The following TATDN3 variants were observed in gnomAD, a reference collection of about 807,000 sequenced individuals.
TATDN3 encodes deoxyribonuclease TATDN3.
TATDN3 carries 29 observed loss-of-function variants against 40.1 expected under a neutral mutation model. The observed-to-expected ratio is 0.72, with a 90% CI of 0.54 to 0.99. The LOEUF (loss-of-function observed/expected upper bound fraction) is 0.99, where lower values mean the gene tolerates loss of function less well. TATDN3 is among the 50% of genes least tolerant of loss of function. TATDN3 has a pLI of 0.00. For synonymous variants in TATDN3, 105 were observed against 117.0 expected (o/e 0.90, Z 0.66); for missense variants, 309 against 321.9 (o/e 0.96, Z 0.31).
intron 8 of TATDN3, among the ~76,000 whole-genome samples, chr1:212,810,264 C>G (rs144060840): frequency 1.5e-3 from 223 of 152,116 alleles, no homozygotes; most frequent in African/African-American, 5.1e-3. Flanking sequence ...AATCCCAGCA[C>G]TTTGGGAGGC....
chr1:212,799,897 T>C (rs1662067023), intron 4 of TATDN3, among the ~76,000 whole-genome samples: 1 of 152,224 alleles, frequency 6.6e-6, no homozygotes, highest in South Asian at 2.1e-4. Flanking sequence ...GTGATAATAC[T>C]CTGGAATAGA....
In TATDN3 at chr1:212,798,509, C is replaced by CT. The variant is rs1661949295; in HGVS notation, c.258+1313_258+1314insT. Among the ~76,000 whole-genome samples, 4 of 108,158 alleles carry CT rather than the reference C, an allele frequency of 3.7e-5. No homozygotes were observed. In the South Asian group the frequency reaches 1.3e-3, roughly 34 times the overall value. The allele number at this position is 108,158 out of a possible 152,430, so 71.0% of individuals were successfully genotyped here. A position where few individuals can be genotyped will look rare whatever the true frequency, so the allele number is the denominator to read the frequency against. ...CTCAGGAGTTCAAGACCAGCCTGGG[C>CT]AACATGGACGCTATCTCTCAAAAAC... On this transcript the variant is annotated intron_variant, in intron 4 of 9. Coordinates refer to ENST00000366974, the MANE Select transcript of TATDN3 (RefSeq NM_001042552.3).
intron 8 of TATDN3, among the ~76,000 whole-genome samples, chr1:212,810,057 A>T (rs72743911): frequency 0.11 from 16,161 of 151,824 alleles, 929 homozygotes; most frequent in Middle Eastern, 0.16. Flanking sequence ...AATAAAATTT[A>T]AATTGCATAA....
At position 212,804,577 on chromosome 1, in the gene TATDN3, T is replaced by A; in HGVS notation, c.432-19T>A. ...CTTTCAGAATGGTACTTAAAAGAAA[T>A]GTTGTTATCGTTAAACAGAAATGTG... On this transcript the variant is annotated intron_variant, in intron 6 of 9. Transcript: ENST00000366974. 6.2e-7 allele frequency: 1 copy of A among 1,609,510 alleles called. No homozygotes were observed. Among genetic ancestry groups the A allele is most frequent in the Non-Finnish European group, 8.5e-7 (1 of 1,178,346 alleles).
At chr1:212,814,044 T>G (rs1262391799) in intron 9 of TATDN3, among the ~76,000 whole-genome samples, 1 of 151,970 alleles carries the variant, frequency 6.6e-6, no homozygotes, top group African/African-American at 2.4e-5. Flanking sequence ...GGTCTCAAAC[T>G]CCTAAGCTCA....
At chr1:212,806,793 CACACACATATAT>C (rs1167722055) in intron 7 of TATDN3, among the ~76,000 whole-genome samples, 2 of 106,506 alleles carry the variant, frequency 1.9e-5, no homozygotes, top group African/African-American at 6.8e-5. Flanking sequence ...TACACACACA[CACACACATATAT>C]ACACATATAT....
intron 2 of TATDN3, among the ~76,000 whole-genome samples, chr1:212,795,402 C>CT (rs200810276): frequency 0.021 from 3,241 of 152,050 alleles, 58 homozygotes; most frequent in Non-Finnish European, 0.033. Flanking sequence ...TCCTGAGTAG[C>CT]TGGGACTATA....
chr1:212,811,601 C>T (rs1161602046), intron 8 of TATDN3, among the ~76,000 whole-genome samples: 1 of 151,638 alleles, frequency 6.6e-6, no homozygotes, highest in Non-Finnish European at 1.5e-5. Context: ...TTTTTTGAGG[C>T]GGAGTCTCGC....
At chr1:212,804,027 C>T (rs889113859) in intron 5 of TATDN3, among the ~76,000 whole-genome samples, 2 of 151,944 alleles carry the variant, frequency 1.3e-5, no homozygotes, top group South Asian at 4.1e-4. Flanking sequence ...CAGAGCCACA[C>T]TCCGTCTCAA....
intron 2 of TATDN3, among the ~76,000 whole-genome samples, chr1:212,795,469 C>T (rs1445624981): frequency 6.6e-6 from 1 of 152,048 alleles, no homozygotes; most frequent in Non-Finnish European, 1.5e-5. Context: ...CAGGGTTTCA[C>T]CATGTTGGCC....
chr1:212,803,343 A>G (rs1368606166), intron 5 of TATDN3, among the ~76,000 whole-genome samples: 1 of 151,658 alleles, frequency 6.6e-6, no homozygotes, highest in Non-Finnish European at 1.5e-5. Context: ...CCACCAACCC[A>G]GCTAATTTTT....
intron 4 of TATDN3, chr1:212,797,471 A>G (rs2102436796): frequency 3.0e-6 from 1 of 332,176 alleles, no homozygotes. Context: ...GTATTATAGC[A>G]CATGGAAAAT....
intron 1 of TATDN3, 64 bp downstream of exon 1, chr1:212,792,051 T>G (rs942755192): frequency 7.2e-6 from 11 of 1,529,126 alleles, no homozygotes; most frequent in Non-Finnish European, 7.2e-6. Context: ...CCTCGTGTTA[T>G]CTTTGCTCTC....
intron 8 of TATDN3, among the ~76,000 whole-genome samples, chr1:212,811,712 T>TA (rs1450535640): frequency 1.1e-4 from 16 of 149,990 alleles, no homozygotes; most frequent in South Asian, 6.3e-4. Context: ...TTATTATTAT[T>TA]TTTTTTTTGA....
intron 1 of TATDN3, among the ~76,000 whole-genome samples, chr1:212,794,232 G>A (rs950594327): frequency 6.6e-6 from 1 of 150,826 alleles, no homozygotes; most frequent in Non-Finnish European, 1.5e-5. Context: ...AGTGAGCCGA[G>A]ATCGTGACAC....
chr1:212,806,130 T>C (rs1175420452), intron 7 of TATDN3, among the ~76,000 whole-genome samples: 1 of 152,194 alleles, frequency 6.6e-6, no homozygotes, highest in African/African-American at 2.4e-5. Flanking sequence ...GCATGATTTT[T>C]ATGCAGGCTG....
chr1:212,792,127 C>T (rs3738798), intron 1 of TATDN3, 140 bp downstream of exon 1: 142,959 of 797,898 alleles, frequency 0.18, 14,748 homozygotes, highest in African/African-American at 0.37. Context: ...GACCTTGCCC[C>T]TCATTTCCCT....
chr1:212,793,763 A>G (rs1558074148), intron 1 of TATDN3, among the ~76,000 whole-genome samples: 2 of 152,244 alleles, frequency 1.3e-5, no homozygotes, highest in Non-Finnish European at 2.9e-5. Context: ...GATGACTCAG[A>G]TTATTAGCTT....
intron 4 of TATDN3, among the ~76,000 whole-genome samples, chr1:212,798,263 T>C (rs578226667): frequency 9.0e-4 from 137 of 151,902 alleles, no homozygotes; most frequent in Non-Finnish European, 7.2e-4. Context: ...GAGGCGAAGA[T>C]TGTAGTAAGC....
Sources: allele counts gnomAD v4.1 joint callset (sites outside exome capture counted in the v4.1 genomes callset), GRCh38; gene constraint gnomAD v4.1.1; transcripts MANE v1.5; gene names NCBI Gene and HGNC (gene_info 2026-07-23, HGNC 2026-07-21).